Variants in CC2D2A observed in about 807,000 individuals in gnomAD.
CC2D2A encodes the protein coiled-coil and C2 domain-containing protein 2A.
In CC2D2A, 155 loss-of-function variants were observed where a neutral mutation model predicts 212.9. That is an observed-to-expected ratio of 0.73 (90% CI 0.64 to 0.83). The LOEUF is 0.83. Among genes scored for constraint, CC2D2A ranks in the 40% least tolerant of loss-of-function variants. The pLI, the probability that CC2D2A is intolerant of heterozygous loss-of-function variation, is 0.00. For synonymous variants in CC2D2A, 667 were observed against 686.5 expected (o/e 0.97, Z 0.44); for missense variants, 1,856 against 1,956.2 (o/e 0.95, Z 0.97).
intron 24 of CC2D2A, chr4:15,564,113 A>T (rs35414597): frequency 0.3 from 45,008 of 152,536 alleles, 6,846 homozygotes; most frequent in Middle Eastern, 0.43. Flanking sequence ...CTTCCCTTTC[A>T]TCTGTTCGGA....
chr4:15,570,743 C>G (rs1720122495), intron 28 of CC2D2A, among the ~76,000 whole-genome samples: 1 of 152,070 alleles, frequency 6.6e-6, no homozygotes, highest in Admixed American at 6.5e-5. Flanking sequence ...GTAATCCCAG[C>G]TACTCGGGAG....
chr4:15,512,429 C>A lies in CC2D2A; in HGVS notation c.717+1006C>A, dbSNP rs138481669. On this transcript the variant is annotated intron_variant, in intron 8 of 36. Transcript: ENST00000424120. ...ACATAGATATACCTTGAAGACATTA[C>A]ACTAAGAAAAATAAGCCAGTCACAA... Among the ~76,000 whole-genome samples, 521 of 152,244 alleles carry A rather than the reference C, an allele frequency of 3.4e-3. 3 individuals carry two copies. The highest frequency in any genetic ancestry group is 0.012 in the African/African-American group (502 of 41,536).
chr4:15,517,659 G>T (rs1207602320), intron 11 of CC2D2A, among the ~76,000 whole-genome samples: 1 of 152,130 alleles, frequency 6.6e-6, no homozygotes, highest in Non-Finnish European at 1.5e-5. Flanking sequence ...CCTAGTAACT[G>T]CTGGCTATCA....
intron 2 of CC2D2A, among the ~76,000 whole-genome samples, chr4:15,477,970 A>T (rs1362107218): frequency 1.3e-5 from 2 of 152,154 alleles, no homozygotes; most frequent in African/African-American, 2.4e-5. Context: ...AGGAAAAAAA[A>T]ATCTAGTAAG....
intron 32 of CC2D2A, 58 bp from the exon 33 acceptor site, chr4:15,589,487 T>C (rs1323848881): frequency 2.0e-6 from 3 of 1,466,242 alleles, no homozygotes; most frequent in Non-Finnish European, 2.8e-6. Flanking sequence ...TGCAAACTAC[T>C]ATTGGCCTTC....
At chr4:15,586,027 T>C (rs1269431764) in intron 30 of CC2D2A, 130 bp from the exon 31 acceptor site, 18 of 595,688 alleles carry the variant, frequency 3.0e-5, no homozygotes, top group Non-Finnish European at 5.1e-5. Context: ...TAATACAATA[T>C]TTAGTGAGCA....
At chr4:15,525,911 G>T (rs530355688) in intron 11 of CC2D2A, among the ~76,000 whole-genome samples, 2 of 152,130 alleles carry the variant, frequency 1.3e-5, no homozygotes, top group South Asian at 4.1e-4. Context: ...TGGAATGTGG[G>T]GTAATGCAGA....
chr4:15,510,058 G>T (rs968613721), intron 6 of CC2D2A, 81 bp from the exon 7 acceptor site: 58 of 999,724 alleles, frequency 5.8e-5, no homozygotes, highest in African/African-American at 1.1e-4. Context: ...CCTTTGGGAT[G>T]GGGGGGTTAA....
chr4:15,536,982 G>A lies in CC2D2A; in HGVS notation c.1670G>A (p.Ser557Asn), dbSNP rs1479599144. Residue 557 changes from serine to asparagine, a missense_variant, in exon 15 of 37, where the codon AGT becomes AAT. Transcript: ENST00000424120. Reference sequence around the variant, plus strand: ...GAAGCAGAAATTCAAGCTGAAATAAGTGAACTGTTAGAAGAGCACACGGAG... The same window carrying A: ...GAAGCAGAAATTCAAGCTGAAATAAATGAACTGTTAGAAGAGCACACGGAG... ...AYEAEIQAEI[S>N]ELLEEHTEEY... The A allele has an allele frequency of 6.2e-7, 1 of 1,613,870 alleles. No individual in the cohort carries two copies.
chr4:15,531,160 T>C (rs1377002315), intron 13 of CC2D2A, among the ~76,000 whole-genome samples: 3 of 152,138 alleles, frequency 2.0e-5, no homozygotes, highest in Non-Finnish European at 4.4e-5. Context: ...TCTCTCCCAT[T>C]TCCAAACCAT....
chr4:15,558,294 A>T (rs945392507), intron 21 of CC2D2A, among the ~76,000 whole-genome samples: 2 of 152,166 alleles, frequency 1.3e-5, no homozygotes, highest in Non-Finnish European at 1.5e-5. Flanking sequence ...ATGGTTGGTT[A>T]TTTGGTTCTT....
intron 6 of CC2D2A, among the ~76,000 whole-genome samples, chr4:15,507,010 A>G (rs949134059): frequency 2.0e-5 from 3 of 151,470 alleles, no homozygotes; most frequent in African/African-American, 7.3e-5. Flanking sequence ...CGCGGGAGGC[A>G]GAGGTTGTAG....
intron 13 of CC2D2A, among the ~76,000 whole-genome samples, chr4:15,531,495 T>C (rs1437470620): frequency 1.3e-5 from 2 of 152,182 alleles, no homozygotes; most frequent in Non-Finnish European, 2.9e-5. Context: ...TCTCCTGAAA[T>C]GAATCCACTT....
At position 15,500,104 on chromosome 4, in the gene CC2D2A, T is replaced by C. The variant is rs1479043571; in HGVS notation, c.248-2325T>C. Among the ~76,000 whole-genome samples, 49 of 62,868 alleles carry C rather than the reference T, an allele frequency of 7.8e-4. 1 individual carries two copies. Among genetic ancestry groups the C allele is most frequent in the African/African-American group, 2.8e-3 (47 of 17,090 alleles). The allele number at this position is 62,868 out of a possible 152,430, so 41.2% of individuals were successfully genotyped here. A position where few individuals can be genotyped will look rare whatever the true frequency, so the allele number is the denominator to read the frequency against. ...GTGTGTGTGTGTGTGTGTGTGTGTGTGTGTATATATATATATATATATATA... is the reference window on the plus strand; with the variant it reads ...GTGTGTGTGTGTGTGTGTGTGTGTGCGTGTATATATATATATATATATATA... On this transcript the variant is annotated intron_variant, in intron 4 of 36. Coordinates refer to ENST00000424120, the MANE Select transcript of CC2D2A (RefSeq NM_001378615.1).
chr4:15,533,168 A>G, intron 13 of CC2D2A, 25 bp from the exon 14 acceptor site: 1 of 1,560,704 alleles, frequency 6.4e-7, no homozygotes, highest in Non-Finnish European at 8.6e-7. Flanking sequence ...TTTAATATAT[A>G]CTCATGTGTT....
At chr4:15,491,335 T>G (rs961458519) in intron 4 of CC2D2A, among the ~76,000 whole-genome samples, 4 of 152,170 alleles carry the variant, frequency 2.6e-5, no homozygotes, top group South Asian at 2.1e-4. Context: ...ACTTCCCTCA[T>G]GATTAATGAT....
At chr4:15,585,587 GT>G (rs1349659559) in intron 30 of CC2D2A, among the ~76,000 whole-genome samples, 1 of 152,220 alleles carries the variant, frequency 6.6e-6, no homozygotes, top group Non-Finnish European at 1.5e-5. Context: ...GATGAATACA[GT>G]TAATAATAAT....
chr4:15,531,703 T>C (rs1717856765), intron 13 of CC2D2A, among the ~76,000 whole-genome samples: 1 of 152,226 alleles, frequency 6.6e-6, no homozygotes, highest in Non-Finnish European at 1.5e-5. Flanking sequence ...AATTTTCTGC[T>C]TCTTTAGCTC....
chr4:15,504,501 T>G (rs1048350316), intron 6 of CC2D2A, among the ~76,000 whole-genome samples: 7 of 152,204 alleles, frequency 4.6e-5, no homozygotes, highest in African/African-American at 1.4e-4. Context: ...GGTTCAGGTC[T>G]TTTATATCTG....
Sources: gnomAD v4.1 joint callset for allele counts (sites outside exome capture counted in the v4.1 genomes callset) on GRCh38, gnomAD v4.1.1 for gene constraint, MANE v1.5 for transcripts, NCBI Gene and HGNC (gene_info 2026-07-23, HGNC 2026-07-21) for gene names.